METAP1: variants seen among roughly 807,000 people sequenced by gnomAD.
METAP1 encodes the protein methionine aminopeptidase 1.
Under a neutral mutation model 53.8 loss-of-function variants are expected in METAP1, and 28 were observed. The ratio of observed to expected loss-of-function variants is 0.52; its 90% CI spans 0.39 to 0.71. The LOEUF is 0.71. Among genes scored for constraint, METAP1 ranks in the 30% least tolerant of loss-of-function variants. METAP1 has a pLI of 0.00. For missense variants in METAP1, 389 were observed against 479.8 expected, an observed-to-expected ratio of 0.81 and a Z score of 1.77; for synonymous variants, 181 against 165.7, an observed-to-expected ratio of 1.09 and a Z score of -0.71.
intron 1 of METAP1, among the ~76,000 whole-genome samples, chr4:99,019,420 C>G (rs192916842): frequency 6.6e-6 from 1 of 152,186 alleles, no homozygotes; most frequent in Non-Finnish European, 1.5e-5. Flanking sequence ...GGCATTCTCT[C>G]TTAAAATGGC....
intron 1 of METAP1, among the ~76,000 whole-genome samples, chr4:99,015,352 GA>G (rs752056614): frequency 6.6e-6 from 1 of 152,190 alleles, no homozygotes; most frequent in African/African-American, 2.4e-5. Context: ...AAAGGAGGAA[GA>G]GGGAGAAGGC....
chr4:99,061,137 GT>G lies in METAP1; in HGVS notation c.998-12del. The G allele has an allele frequency of 1.2e-6, 2 of 1,601,654 alleles. No individual in the cohort carries two copies. The highest frequency in any genetic ancestry group is 1.7e-6 in the Non-Finnish European group (2 of 1,174,360). On this transcript the variant is annotated splice_polypyrimidine_tract_variant and intron_variant, in intron 10 of 10. Coordinates refer to ENST00000296411, the MANE Select transcript of METAP1 (RefSeq NM_015143.3). ...AGAAAACTGAGTGAACTAAGAAATT[GT>G]TTTTGTTTGTTGAAGGCGGATGGCA...
intron 1 of METAP1, among the ~76,000 whole-genome samples, chr4:99,006,813 G>C (rs955676579): frequency 6.6e-6 from 1 of 152,094 alleles, no homozygotes; most frequent in African/African-American, 2.4e-5. Flanking sequence ...CATGATACTA[G>C]CTTCTTGAAG....
chr4:99,061,225 T>C lies in METAP1; in HGVS notation c.1069T>C (p.Phe357Leu), dbSNP rs1727526911. The C allele has an allele frequency of 6.2e-7, 1 of 1,613,808 alleles. No individual in the cohort carries two copies. The highest frequency in any genetic ancestry group is 1.3e-5 in the African/African-American group (1 of 74,916). ...VTRDGKRSAQ[F>L]EHTLLVTDTG... ...AAGAGACGGAAAGCGGTCTGCTCAGTTTGAGCACACCCTCCTGGTCACAGA... is the reference window on the plus strand; with the variant it reads ...AAGAGACGGAAAGCGGTCTGCTCAGCTTGAGCACACCCTCCTGGTCACAGA... Residue 357 changes from phenylalanine to leucine, a missense_variant, in exon 11 of 11, where the codon TTT (phenylalanine) becomes CTT (leucine). By Grantham distance (22) the Phe-to-Leu change is conservative (BLOSUM62 0). Transcript: ENST00000296411.
intron 1 of METAP1, among the ~76,000 whole-genome samples, chr4:99,017,597 A>G (rs1349016530): frequency 6.6e-6 from 1 of 152,242 alleles, no homozygotes; most frequent in African/African-American, 2.4e-5. Flanking sequence ...CCCTCTTAAG[A>G]ATCCGGCAGG....
chr4:99,021,549 C>T (rs1200902429), intron 1 of METAP1, among the ~76,000 whole-genome samples: 4 of 152,066 alleles, frequency 2.6e-5, no homozygotes, highest in Middle Eastern at 3.2e-3. Flanking sequence ...AAATCAACAC[C>T]GAGACAAAGG....
intron 4 of METAP1, among the ~76,000 whole-genome samples, chr4:99,036,428 A>G (rs1725428355): frequency 6.6e-6 from 1 of 152,100 alleles, no homozygotes; most frequent in Admixed American, 6.6e-5. Context: ...TAGAAAAACA[A>G]TCATAGACAA....
intron 1 of METAP1, among the ~76,000 whole-genome samples, chr4:99,008,628 T>C (rs1270735011): frequency 6.6e-6 from 1 of 152,200 alleles, no homozygotes; most frequent in African/African-American, 2.4e-5. Flanking sequence ...TGTCATTAAT[T>C]ACCCCTGTGT....
intron 1 of METAP1, among the ~76,000 whole-genome samples, chr4:99,017,722 A>G (rs933892941): frequency 6.6e-6 from 1 of 152,374 alleles, no homozygotes; most frequent in African/African-American, 2.4e-5. Flanking sequence ...TTAGGATGAC[A>G]TTGACCTTAT....
At chr4:99,019,243 A>G (rs1420543739) in intron 1 of METAP1, among the ~76,000 whole-genome samples, 1 of 152,204 alleles carries the variant, frequency 6.6e-6, no homozygotes, top group Non-Finnish European at 1.5e-5. Context: ...AAGTAGCTCC[A>G]GAATCAATGA....
At chr4:99,056,321 G>A (rs1727115052) in intron 9 of METAP1, among the ~76,000 whole-genome samples, 1 of 152,000 alleles carries the variant, frequency 6.6e-6, no homozygotes, top group South Asian at 2.1e-4. Context: ...CTCCATTTTT[G>A]TCTAAAAAAG....
At position 99,043,348 on chromosome 4, in the gene METAP1, C is replaced by G; in HGVS notation, c.616C>G (p.Pro206Ala). 6.2e-7 allele frequency: 1 copy of G among 1,604,930 alleles called. No homozygotes were observed. Among genetic ancestry groups the G allele is most frequent in the East Asian group, 2.2e-5 (1 of 44,548 alleles). Residue 206 changes from proline to alanine, a missense_variant, in exon 7 of 11, where the codon CCA becomes GCA. Pro to Ala is a conservative substitution (Grantham distance 27). Transcript: ENST00000296411. ...GAATGAAGTCATTTGCCATGGAATA[C>G]CAGACAGAAGGCCCTTACAAGAAGG... ...SVNEVICHGI[P>A]DRRPLQEGDI...
intron 9 of METAP1, among the ~76,000 whole-genome samples, chr4:99,049,514 T>C (rs1331677825): frequency 1.3e-5 from 2 of 152,172 alleles, no homozygotes; most frequent in Admixed American, 6.5e-5. Flanking sequence ...ACAAAGTGCC[T>C]TTCCTTAGGT....
intron 1 of METAP1, among the ~76,000 whole-genome samples, chr4:99,007,427 A>G (rs1723227965): frequency 6.6e-6 from 1 of 152,128 alleles, no homozygotes; most frequent in Non-Finnish European, 1.5e-5. Flanking sequence ...ATATTCTGGC[A>G]CTTGGAGAGT....
At chr4:98,995,988 C>G in intron 1 of METAP1, 121 bp downstream of exon 1, 1 of 792,638 alleles carries the variant, frequency 1.3e-6, no homozygotes, top group Non-Finnish European at 2.1e-6. Context: ...CCCCCGGCCG[C>G]GTTTCCTCCT....
chr4:99,011,151 C>A (rs1365326324), intron 1 of METAP1, among the ~76,000 whole-genome samples: 2 of 151,546 alleles, frequency 1.3e-5, no homozygotes, highest in Non-Finnish European at 2.9e-5. Flanking sequence ...CCTTTTATTT[C>A]TTTTTCTTGC....
chr4:99,023,348 A>G, intron 1 of METAP1: 1 of 833,908 alleles, frequency 1.2e-6, no homozygotes, highest in Non-Finnish European at 1.5e-6. Flanking sequence ...GAATTGAGCT[A>G]CTGGGTCAAA....
rs542429667 is a variant in METAP1, at chr4:99,014,052, G to C, written c.115-14815G>C. On this transcript the variant is annotated intron_variant, in intron 1 of 10. Coordinates refer to ENST00000296411, the MANE Select transcript of METAP1 (RefSeq NM_015143.3). ...GGAGAGGCAGAGGATAGATTATTAAGGGTTGTACTGATGAGCCTTTGTACA... is the reference window on the plus strand; with the variant it reads ...GGAGAGGCAGAGGATAGATTATTAACGGTTGTACTGATGAGCCTTTGTACA... Among the ~76,000 whole-genome samples the C allele has an allele frequency of 9.8e-5, 15 of 152,286 alleles. No individual in the cohort carries two copies. In the East Asian group the frequency reaches 2.5e-3, roughly 26 times the overall value.
At chr4:99,036,879 A>G (rs1432634487) in intron 4 of METAP1, among the ~76,000 whole-genome samples, 1 of 152,046 alleles carries the variant, frequency 6.6e-6, no homozygotes, top group Non-Finnish European at 1.5e-5. Flanking sequence ...CAAAGGATAT[A>G]TACATTTTTG....
Sources: gnomAD v4.1 joint callset for allele counts (sites outside exome capture counted in the v4.1 genomes callset) on GRCh38, gnomAD v4.1.1 for gene constraint, MANE v1.5 for transcripts, NCBI Gene and HGNC (gene_info 2026-07-23, HGNC 2026-07-21) for gene names.